Variants in GAK observed in about 807,000 individuals in gnomAD.
GAK encodes cyclin-G-associated kinase.
Under a neutral mutation model 143.9 loss-of-function variants are expected in GAK, and 79 were observed. The ratio of observed to expected loss-of-function variants is 0.55; its 90% CI spans 0.46 to 0.66. The LOEUF (loss-of-function observed/expected upper bound fraction) is 0.66, where lower values mean the gene tolerates loss of function less well. GAK is among the 30% of genes least tolerant of loss of function. The pLI is 0.00. For missense variants in GAK, 1,693 were observed against 1,779.7 expected, an observed-to-expected ratio of 0.95 and a Z score of 0.88; for synonymous variants, 881 against 765.5, an observed-to-expected ratio of 1.15 and a Z score of -2.49.
rs751898105 is a variant in GAK, at chr4:893,459, C to A, written c.908G>T (p.Arg303Leu). The A allele has an allele frequency of 6.3e-7, 1 of 1,588,102 alleles. No homozygotes were observed. Among genetic ancestry groups the A allele is most frequent in the Admixed American group, 1.8e-5 (1 of 55,752 alleles). The part of the protein sequence containing the change: ...RAMLQVNPEE[R>L]LSIAEVVHQL... ...GTGCACCACCTCGGCGATGGACAGCCGCTCCTCCGGGTTCACCTGCAGCAT... is the reference window on the plus strand; with the variant it reads ...GTGCACCACCTCGGCGATGGACAGCAGCTCCTCCGGGTTCACCTGCAGCAT... Residue 303 changes from arginine (R) to leucine (L), a missense_variant, in exon 9 of 28, where the codon CGG (arginine) becomes CTG (leucine). By Grantham distance (102) the Arg-to-Leu change is moderately radical. Transcript: ENST00000314167.
At position 850,130 on chromosome 4, in the gene GAK, C is replaced by T. The variant is rs868135367; in HGVS notation, c.3658-62G>A. 57 of 1,459,346 alleles carry T rather than the reference C, an allele frequency of 3.9e-5. No homozygotes were observed. The Middle Eastern group carries it at 3.7e-3, about 94-fold the overall frequency. 90.4% of individuals were successfully genotyped at this position (1,459,346 alleles called of 1,614,324 possible). A position where few individuals can be genotyped will look rare whatever the true frequency, so the allele number is the denominator to read the frequency against. On this transcript the variant is annotated intron_variant, in intron 26 of 27. Transcript: ENST00000314167. ...CTGCCTGCCCTCCTCCTCTGCACCG[C>T]GGAAACTGAGGCACGACGCTGAGGA... is the stretch of plus-strand genomic sequence containing the variant.
At chr4:924,647 C>T (rs35239183) in intron 1 of GAK, among the ~76,000 whole-genome samples, 1,904 of 152,312 alleles carry the variant, frequency 0.013, 16 homozygotes, top group Non-Finnish European at 0.018. Context: ...ACTTGTGACC[C>T]TCAATGTTGG....
intron 6 of GAK, 74 bp from the exon 7 acceptor site, chr4:896,623 T>C (rs950712086): frequency 1.8e-5 from 21 of 1,164,132 alleles, no homozygotes; most frequent in African/African-American, 1.2e-4. Context: ...ACCACTTCCG[T>C]GCAGCTTTCC....
intron 1 of GAK, among the ~76,000 whole-genome samples, chr4:922,437 C>T (rs750214340): frequency 1.3e-5 from 2 of 151,556 alleles, no homozygotes; most frequent in African/African-American, 4.9e-5. Context: ...ACTGCTTGAA[C>T]CCAGGAGGCA....
In GAK at chr4:860,013, A is replaced by G. The variant is rs1245723366; in HGVS notation, c.3167-291T>C. 7.2e-5 allele frequency among the ~76,000 whole-genome samples: 11 copies of G among 152,226 alleles called. No homozygotes were observed. In the East Asian group the frequency reaches 9.6e-4, roughly 13 times the overall value. On this transcript the variant is annotated intron_variant, in intron 23 of 27. Coordinates refer to ENST00000314167, the MANE Select transcript of GAK (RefSeq NM_005255.4). ...TCTGCAGTACCACTTTCTGGAATCT[A>G]TCTAAAATGTGAATGCTCTTCAGGA...
At chr4:899,290 A>G (rs1719400518) in intron 5 of GAK, among the ~76,000 whole-genome samples, 1 of 152,250 alleles carries the variant, frequency 6.6e-6, no homozygotes, top group South Asian at 2.1e-4. Flanking sequence ...CAAGACAGAC[A>G]GCACAGACGT....
At chr4:894,466 A>G in intron 7 of GAK, 1 of 161,432 alleles carries the variant, frequency 6.2e-6, no homozygotes, top group Non-Finnish European at 1.4e-5. Context: ...CAAGGGGACA[A>G]GGGCGTGAGA....
rs551074916 is a variant in GAK at position 885,312 on chromosome 4, A to G, written c.1206-1226T>C. ...AAATAGGGGCCAGGTGCGGTGGCTC[A>G]TGCCTGTAATCTCAGCACTTTGGGA... is the stretch of plus-strand genomic sequence containing the variant. On this transcript the variant is annotated intron_variant, in intron 11 of 27. Coordinates refer to ENST00000314167, the MANE Select transcript of GAK (RefSeq NM_005255.4). Among the ~76,000 whole-genome samples the G allele has an allele frequency of 3.9e-5, 6 of 152,340 alleles. No homozygotes were observed. The South Asian group carries it at 1.2e-3, about 32-fold the overall frequency.
chr4:860,100 G>A (rs1750003764), intron 23 of GAK, among the ~76,000 whole-genome samples: 1 of 152,102 alleles, frequency 6.6e-6, no homozygotes, highest in Non-Finnish European at 1.5e-5. Flanking sequence ...AATACAGGCT[G>A]GGCAACATAG....
rs75809590 is a variant in GAK, at chr4:864,532, C to T, written c.3166+590G>A. Among the ~76,000 whole-genome samples, 14 of 152,344 alleles carry T rather than the reference C, an allele frequency of 9.2e-5. No homozygotes were observed. The East Asian group carries it at 2.3e-3, about 25-fold the overall frequency. On this transcript the variant is annotated intron_variant, in intron 23 of 27. Transcript: ENST00000314167. ...AAGACGCAGCTGCAGCATACGCATC[C>T]GCGCTACCAGACGCCGCGGGAGGGC... is the stretch of plus-strand genomic sequence containing the variant.
At chr4:874,113 C>T (rs1444179066) in intron 18 of GAK, among the ~76,000 whole-genome samples, 1 of 151,962 alleles carries the variant, frequency 6.6e-6, no homozygotes, top group Non-Finnish European at 1.5e-5. Context: ...GGTTAATCCC[C>T]TCCTCGGCTG....
intron 24 of GAK, among the ~76,000 whole-genome samples, chr4:856,227 C>CACCTGCTCACCACAGCTGCT (rs1180972326): frequency 3.1e-5 from 4 of 129,366 alleles, no homozygotes; most frequent in Admixed American, 7.7e-5. Context: ...CAGCTGCTCA[C>CACCTGCTCACCACAGCTGCT]CACCACAGCT....
At chr4:879,066 C>T (rs866754552) in intron 15 of GAK, among the ~76,000 whole-genome samples, 4 of 152,178 alleles carry the variant, frequency 2.6e-5, no homozygotes, top group Admixed American at 6.5e-5. Flanking sequence ...AGAGTCAGTG[C>T]GGCCAACACC....
intron 11 of GAK, 113 bp downstream of exon 11, chr4:888,734 G>A: frequency 3.0e-6 from 4 of 1,335,848 alleles, no homozygotes; most frequent in Middle Eastern, 2.0e-4. Context: ...TGCCTCAGGG[G>A]CCCCTGTGGG....
At chr4:866,804 G>C in intron 21 of GAK, 152 bp downstream of exon 21, 1 of 707,626 alleles carries the variant, frequency 1.4e-6, no homozygotes, top group Non-Finnish European at 2.4e-6. Flanking sequence ...ACAGAACCCT[G>C]ACATGACCCC....
At chr4:860,896 T>C (rs1255511072) in intron 23 of GAK, among the ~76,000 whole-genome samples, 1 of 152,270 alleles carries the variant, frequency 6.6e-6, no homozygotes, top group African/African-American at 2.4e-5. Flanking sequence ...GTGTCAACTC[T>C]GTCCGGCACC....
At position 888,926 on chromosome 4, in the gene GAK, C is replaced by G; in HGVS notation, c.1126G>C (p.Asp376His). The G allele has an allele frequency of 6.2e-7, 1 of 1,612,490 alleles. No homozygotes were observed. The highest frequency in any genetic ancestry group is 8.5e-7 in the Non-Finnish European group (1 of 1,179,696). ...EYDQPYGGFL[D>H]ILRGGTERLF... ...CGCTCTGTCCCACCCCGCAGAATGT[C>G]CAGGAAGCCGCCATACGGCTGGTCG... The change falls in exon 11 of 28, where the codon GAC becomes CAC. Residue 376 changes from aspartate (D) to histidine (H), a missense_variant. Transcript: ENST00000314167.
chr4:893,889 A>G lies in GAK; in HGVS notation c.862T>C (p.Phe288Leu), dbSNP rs1001938805. 2 of 1,601,622 alleles carry G rather than the reference A, an allele frequency of 1.2e-6. No homozygotes were observed. The highest frequency in any genetic ancestry group is 1.7e-6 in the Non-Finnish European group (2 of 1,173,264). ...IPPHDTQYTV[F>L]HSLIRAMLQV... The stretch of plus-strand genomic sequence containing the variant: ...CGGGACTTACGGATGAGGCTGTGGA[A>G]GACCGTGTACTGCGTGTCGTGCGGG... The change falls in exon 8 of 28, where the codon TTC becomes CTC. Residue 288 changes from phenylalanine to leucine, a missense_variant. By Grantham distance (22) the Phe-to-Leu change is conservative. Around this residue, in one of 2 missense-constraint regions of GAK, gnomAD observed 871 missense variants for 991.0 expected, o/e 0.88. Transcript: ENST00000314167.
chr4:915,200 G>A (rs1374172222), intron 1 of GAK, among the ~76,000 whole-genome samples: 4 of 115,638 alleles, frequency 3.5e-5, no homozygotes, highest in Admixed American at 8.7e-5. Flanking sequence ...ACACGGCCCC[G>A]TGCACTCAGC....
Sources: gnomAD v4.1 joint callset for allele counts (sites outside exome capture counted in the v4.1 genomes callset) on GRCh38, gnomAD v4.1.1 for gene constraint, gnomAD v4.1.1 regional missense constraint, MANE v1.5 for transcripts, NCBI Gene and HGNC (gene_info 2026-07-23, HGNC 2026-07-21) for gene names.